Variants in SLC24A2 observed in about 807,000 individuals in gnomAD.
SLC24A2 encodes sodium/potassium/calcium exchanger 2.
In SLC24A2, 36 loss-of-function variants were observed where a neutral mutation model predicts 62.0. The observed-to-expected ratio is 0.58, with a 90% confidence interval of 0.44 to 0.77. The LOEUF (loss-of-function observed/expected upper bound fraction) is 0.77. Ranked by LOEUF, SLC24A2 falls within the 30% of genes least tolerant of loss-of-function variation. SLC24A2 has a pLI of 0.00. For synonymous variants in SLC24A2, 358 were observed against 294.0 expected, an observed-to-expected ratio of 1.22 and a Z score of -2.23; for missense variants, 846 against 817.9, an observed-to-expected ratio of 1.03 and a Z score of -0.42.
At chr9:20,194,778 G>A in the SLC24A2 span, among the ~76,000 whole-genome samples, 1 of 151,478 alleles carries the variant, frequency 6.6e-6, no homozygotes, top group East Asian at 1.9e-4. Flanking sequence ...ATTATTAAAT[G>A]CAGAAAAATA....
At chr9:19,540,596 C>T (rs1457182295) in intron 8 of SLC24A2, among the ~76,000 whole-genome samples, 1 of 146,916 alleles carries the variant, frequency 6.8e-6, no homozygotes. Flanking sequence ...GATGGGCTTT[C>T]CTTTGAGGGT....
intron 2 of SLC24A2, among the ~76,000 whole-genome samples, chr9:19,707,432 A>T (rs979478640): frequency 6.6e-6 from 1 of 152,230 alleles, no homozygotes; most frequent in Non-Finnish European, 1.5e-5. Flanking sequence ...CTGATACCAA[A>T]GCCTGGCAGA....
chr9:19,740,494 A>C (rs78756430), intron 2 of SLC24A2, among the ~76,000 whole-genome samples: 1,724 of 152,362 alleles, frequency 0.011, 32 homozygotes, highest in African/African-American at 0.04. Flanking sequence ...TATTCTATGA[A>C]TCCACATATG....
chr9:20,043,142 A>C, the SLC24A2 span, among the ~76,000 whole-genome samples: 1 of 152,234 alleles, frequency 6.6e-6, no homozygotes, highest in Non-Finnish European at 1.5e-5. Flanking sequence ...GGCATGTCGA[A>C]AGCTGAGACA....
the SLC24A2 span, chr9:19,929,132 T>A: frequency 9.9e-5 from 15 of 152,222 alleles, no homozygotes; most frequent in African/African-American, 3.6e-4. Context: ...CCCCCAAAGA[T>A]GGGGATAAAC....
chr9:19,660,604 C>T (rs1032335840), intron 2 of SLC24A2, among the ~76,000 whole-genome samples: 10 of 152,148 alleles, frequency 6.6e-5, no homozygotes, highest in African/African-American at 2.2e-4. Flanking sequence ...CTTCAGATGT[C>T]TCGTGCTTTC....
chr9:20,037,687 C>T, the SLC24A2 span, among the ~76,000 whole-genome samples: 1 of 152,150 alleles, frequency 6.6e-6, no homozygotes, highest in Non-Finnish European at 1.5e-5. Flanking sequence ...CACAGTGGTT[C>T]TCAACTATGG....
the SLC24A2 span, among the ~76,000 whole-genome samples, chr9:19,823,048 C>A: frequency 2.0e-5 from 3 of 152,190 alleles, no homozygotes; most frequent in South Asian, 4.1e-4. Context: ...CCAGTAAAAT[C>A]TTTTCCAATT....
At chr9:20,206,225 T>C in the SLC24A2 span, among the ~76,000 whole-genome samples, 1 of 152,220 alleles carries the variant, frequency 6.6e-6, no homozygotes, top group South Asian at 2.1e-4. Context: ...GAAAAGTCTA[T>C]ATTAAAATAA....
At chr9:20,086,341 G>A in the SLC24A2 span, among the ~76,000 whole-genome samples, 4 of 152,056 alleles carry the variant, frequency 2.6e-5, no homozygotes, top group South Asian at 2.1e-4. Flanking sequence ...GCTCACCCCC[G>A]TCTCCTGGGA....
chr9:20,239,206 A>C, the SLC24A2 span, among the ~76,000 whole-genome samples: 7 of 152,232 alleles, frequency 4.6e-5, no homozygotes, highest in Admixed American at 3.9e-4. Flanking sequence ...GCCACAAAAC[A>C]CAAAACATAG....
the SLC24A2 span, among the ~76,000 whole-genome samples, chr9:19,883,652 G>A: frequency 5.9e-5 from 9 of 151,370 alleles, no homozygotes; most frequent in Non-Finnish European, 1.2e-4. Flanking sequence ...TGCAAGCTCC[G>A]CCTCCTGGGT....
chr9:20,219,061 G>T, the SLC24A2 span, among the ~76,000 whole-genome samples: 1 of 152,222 alleles, frequency 6.6e-6, no homozygotes, highest in Non-Finnish European at 1.5e-5. Context: ...GTCATTGTAT[G>T]TGAGGGTGAG....
chr9:19,605,767 A>G (rs192322409), intron 4 of SLC24A2, among the ~76,000 whole-genome samples: 1 of 152,372 alleles, frequency 6.6e-6, no homozygotes, highest in East Asian at 1.9e-4. Flanking sequence ...TGCCCTACAA[A>G]TAGCATTCCA....
chr9:19,603,076 C>T (rs1411194039), intron 4 of SLC24A2, among the ~76,000 whole-genome samples: 2 of 151,850 alleles, frequency 1.3e-5, no homozygotes, highest in African/African-American at 4.8e-5. Context: ...ATATCTGAAA[C>T]CATCCATGCA....
At chr9:20,004,822 T>C in the SLC24A2 span, among the ~76,000 whole-genome samples, 1 of 150,068 alleles carries the variant, frequency 6.7e-6, no homozygotes, top group South Asian at 2.1e-4. Context: ...TTTTTTTTTT[T>C]CTTCCTTTGG....
chr9:20,060,856 C>CA, the SLC24A2 span, among the ~76,000 whole-genome samples: 1 of 151,922 alleles, frequency 6.6e-6, no homozygotes, highest in South Asian at 2.1e-4. Flanking sequence ...GTTGCAAGAT[C>CA]AATATGCAAA....
intron 2 of SLC24A2, among the ~76,000 whole-genome samples, chr9:19,699,194 T>C (rs912068421): frequency 3.3e-5 from 5 of 152,240 alleles, no homozygotes; most frequent in Admixed American, 3.3e-4. Context: ...TGTGTTAGCA[T>C]ATAAACAAAC....
rs370384043 is a variant in SLC24A2 at position 19,550,251 on chromosome 9, C to G, written c.1365G>C (p.Glu455Asp). 1.2e-6 allele frequency: 2 copies of G among 1,613,970 alleles called. No homozygotes were observed. The highest frequency in any genetic ancestry group is 2.2e-5 in the South Asian group (2 of 91,092). Residue 455 changes from glutamate (E) to aspartate (D), a missense_variant, in exon 8 of 11, where the codon GAG becomes GAC. Glu to Asp is a conservative substitution (Grantham distance 45). Coordinates refer to ENST00000341998, the MANE Select transcript of SLC24A2 (RefSeq NM_020344.4). ...GCCAGGCAAGGCTGAGAGGCTGGTC[C>G]TCCTCCTCATCAGCGGTCTGTGGTA... ...GAEAQTADEE[E>D]DQPLSLAWPS...
Sources: allele counts gnomAD v4.1 joint callset (sites outside exome capture counted in the v4.1 genomes callset), GRCh38; gene constraint gnomAD v4.1.1; transcripts MANE v1.5; gene names NCBI Gene and HGNC (gene_info 2026-07-23, HGNC 2026-07-21).